Variants in CFAP61 observed in about 807,000 individuals in gnomAD.
CFAP61 encodes cilia- and flagella-associated protein 61.
In CFAP61, 107 loss-of-function variants were observed where a neutral mutation model predicts 135.6. That is an observed-to-expected ratio of 0.79 (90% confidence interval 0.67 to 0.93). CFAP61 has a LOEUF of 0.93. Ranked by LOEUF, CFAP61 falls within the 40% of genes least tolerant of loss-of-function variation. The pLI, the probability that CFAP61 is intolerant of heterozygous loss-of-function variation, is 0.00. For synonymous variants in CFAP61, 575 were observed against 578.5 expected (o/e 0.99, Z 0.09); for missense variants, 1,507 against 1,556.2 (o/e 0.97, Z 0.53).
At chr20:20,230,551 GT>G (rs1357937373) in intron 18 of CFAP61, among the ~76,000 whole-genome samples, 3 of 151,994 alleles carry the variant, frequency 2.0e-5, no homozygotes, top group African/African-American at 4.8e-5. Flanking sequence ...GTCTTTTTTG[GT>G]TTGTTTTTGT....
chr20:20,312,296 A>G (rs2056880226), intron 25 of CFAP61, among the ~76,000 whole-genome samples: 1 of 152,214 alleles, frequency 6.6e-6, no homozygotes, highest in Non-Finnish European at 1.5e-5. Flanking sequence ...ATGTGATTAA[A>G]AAGTTAAGAT....
rs1417109402 is a variant in CFAP61, at chr20:20,141,997, A to T, written c.860-860A>T. Among the ~76,000 whole-genome samples the T allele has an allele frequency of 2.0e-5, 3 of 152,286 alleles. No homozygotes were observed. The East Asian group carries it at 5.8e-4, about 29-fold the overall frequency. ...GAGCTGAGTCCCAAAGGCTGAGAGC[A>T]GATGTCATGGCTGAGAACTCCCAGC... On this transcript the variant is annotated intron_variant, in intron 8 of 26. Transcript: ENST00000245957.
chr20:20,158,524 T>A (rs1331510294), intron 9 of CFAP61, among the ~76,000 whole-genome samples: 1 of 152,152 alleles, frequency 6.6e-6, no homozygotes, highest in African/African-American at 2.4e-5. Flanking sequence ...TTGGTGAGGA[T>A]GTGTAAGTGC....
At chr20:20,115,533 T>A (rs1438871746) in intron 8 of CFAP61, among the ~76,000 whole-genome samples, 3 of 152,034 alleles carry the variant, frequency 2.0e-5, no homozygotes, top group African/African-American at 7.2e-5. Context: ...TAGGTCTTAT[T>A]TCTTCTATTA....
At chr20:20,171,624 A>C (rs545214579) in intron 13 of CFAP61, among the ~76,000 whole-genome samples, 1 of 152,280 alleles carries the variant, frequency 6.6e-6, no homozygotes, top group South Asian at 2.1e-4. Flanking sequence ...TATTTACCCT[A>C]CTTTGAAATT....
chr20:20,241,459 T>C (rs939445009), intron 18 of CFAP61, among the ~76,000 whole-genome samples: 12 of 152,362 alleles, frequency 7.9e-5, no homozygotes, highest in African/African-American at 2.9e-4. Flanking sequence ...TTGTACTATA[T>C]CATTATAGGT....
chr20:20,337,578 ATAGATG>A (rs1323116360), intron 25 of CFAP61, among the ~76,000 whole-genome samples: 37 of 3,428 alleles, frequency 0.011, 14 homozygotes, highest in Admixed American at 0.035. Flanking sequence ...GGATGGATGG[ATAGATG>A]TGGGTGGATG....
At chr20:20,360,166 G>A in intron 26 of CFAP61, 44 bp from the exon 27 acceptor site, 1 of 1,419,420 alleles carries the variant, frequency 7.0e-7, no homozygotes, top group Non-Finnish European at 1.0e-6. Flanking sequence ...AACTGTGCAG[G>A]GTCCAATTAA....
At chr20:20,186,864 C>G (rs1175067580) in intron 13 of CFAP61, among the ~76,000 whole-genome samples, 6 of 152,114 alleles carry the variant, frequency 3.9e-5, no homozygotes, top group Non-Finnish European at 1.5e-5. Context: ...TAATAATACC[C>G]TAGTAACTGC....
chr20:20,191,383 A>G lies in CFAP61; in HGVS notation c.1554A>G (p.Glu518=). ...AGGCATTTGTAGCTGAAGTTGCAGA[A>G]CAAATAGTTGGTATTGCAGTGATCA... ...LLQAFVAEVA[E]QIVGIAVIRN... Residue 518 remains glutamate, a synonymous_variant, in exon 15 of 27, where the codon GAA becomes GAG. Coordinates refer to ENST00000245957, the MANE Select transcript of CFAP61 (RefSeq NM_015585.4). The G allele has an allele frequency of 6.2e-7, 1 of 1,613,408 alleles. No individual in the cohort carries two copies. Among genetic ancestry groups the G allele is most frequent in the Non-Finnish European group, 8.5e-7 (1 of 1,179,538 alleles).
rs542745575 is a variant in CFAP61, at chr20:20,211,512, GA to G, written c.1932+11617del. On this transcript the variant is annotated intron_variant, in intron 17 of 26. Transcript: ENST00000245957. ...TACAAAAGATGACTTAAAAACAGGG[GA>G]AAAAAACAGAATAAATAAGGTATGA... is the stretch of plus-strand genomic sequence containing the variant. 1.7e-3 allele frequency among the ~76,000 whole-genome samples: 252 copies of G among 151,954 alleles called. 3 individuals carry two copies. Among genetic ancestry groups the G allele is most frequent in the South Asian group, 0.011 (51 of 4,812 alleles).
At chr20:20,088,343 A>G (rs1409708053) in intron 6 of CFAP61, among the ~76,000 whole-genome samples, 2 of 152,178 alleles carry the variant, frequency 1.3e-5, no homozygotes, top group African/African-American at 4.8e-5. Flanking sequence ...CTATTTATGA[A>G]GGAAAGAGGT....
At chr20:20,189,914 C>T (rs981961588) in intron 14 of CFAP61, among the ~76,000 whole-genome samples, 2 of 152,172 alleles carry the variant, frequency 1.3e-5, no homozygotes, top group African/African-American at 2.4e-5. Flanking sequence ...CCTGCCTCAG[C>T]CTCCTGAGTA....
intron 6 of CFAP61, among the ~76,000 whole-genome samples, chr20:20,076,175 G>A (rs1025808471): frequency 2.6e-5 from 4 of 152,144 alleles, no homozygotes; most frequent in Non-Finnish European, 5.9e-5. Flanking sequence ...TGGGCGCTCC[G>A]TCCTCTCTTC....
chr20:20,092,230 A>T (rs2047253341), intron 7 of CFAP61, among the ~76,000 whole-genome samples: 2 of 152,230 alleles, frequency 1.3e-5, no homozygotes, highest in South Asian at 4.1e-4. Context: ...ATGTTTTCTC[A>T]TGATTTGATT....
At chr20:20,172,173 G>A in intron 13 of CFAP61, 1 of 862,776 alleles carries the variant, frequency 1.2e-6, no homozygotes, top group Non-Finnish European at 1.4e-6. Flanking sequence ...TTTATCTTGT[G>A]TATGTATAGA....
rs570811335 is a variant in CFAP61, at chr20:20,093,576, A to C, written c.699+2600A>C. Among the ~76,000 whole-genome samples the C allele has an allele frequency of 3.4e-4, 51 of 151,846 alleles. 1 individual carries two copies. The South Asian group carries it at 0.01, about 31-fold the overall frequency. Reference sequence around the variant, plus strand: ...CAGCCTCCCAAGTAGCTGGGATTACATGCATGTGCCACCACACCAGGCTAA... The same window carrying C: ...CAGCCTCCCAAGTAGCTGGGATTACCTGCATGTGCCACCACACCAGGCTAA... On this transcript the variant is annotated intron_variant, in intron 7 of 26. Coordinates refer to ENST00000245957, the MANE Select transcript of CFAP61 (RefSeq NM_015585.4).
At chr20:20,319,886 G>A (rs1427733751) in intron 25 of CFAP61, among the ~76,000 whole-genome samples, 1 of 152,140 alleles carries the variant, frequency 6.6e-6, no homozygotes, top group East Asian at 1.9e-4. Flanking sequence ...TATAGAAAAG[G>A]AGGCAGCCAG....
chr20:20,181,892 T>C (rs1020986468), intron 13 of CFAP61, among the ~76,000 whole-genome samples: 24 of 152,200 alleles, frequency 1.6e-4, no homozygotes, highest in Admixed American at 1.3e-3. Context: ...CCTTCCTGGC[T>C]ATAGGCCATG....
Sources: allele counts gnomAD v4.1 joint callset (sites outside exome capture counted in the v4.1 genomes callset), GRCh38; gene constraint gnomAD v4.1.1; transcripts MANE v1.5; gene names NCBI Gene and HGNC (gene_info 2026-07-23, HGNC 2026-07-21).